Variants in TENM3 observed in about 807,000 individuals in gnomAD.
The protein encoded by TENM3 is teneurin transmembrane protein 3.
TENM3 carries 63 observed loss-of-function variants against 255.1 expected under a neutral mutation model. That is an observed-to-expected ratio of 0.25 (90% confidence interval 0.20 to 0.30). The LOEUF (loss-of-function observed/expected upper bound fraction) is 0.30, where lower values mean the gene tolerates loss of function less well. TENM3 is among the 10% of genes least tolerant of loss of function. The probability of loss-of-function intolerance (pLI) is 1.00; values close to 1 mark genes in which losing one functional copy is unlikely to be tolerated. For synonymous variants in TENM3, 1,306 were observed against 1,322.3 expected, an observed-to-expected ratio of 0.99 and a Z score of 0.27; for missense variants, 2,929 against 3,461.1, an observed-to-expected ratio of 0.85 and a Z score of 3.86.
At chr4:181,564,573 G>C in the TENM3 span, among the ~76,000 whole-genome samples, 1 of 152,120 alleles carries the variant, frequency 6.6e-6, no homozygotes, top group Admixed American at 6.6e-5. Flanking sequence ...CCATTAAACA[G>C]TGTGTATGGA....
the TENM3 span, among the ~76,000 whole-genome samples, chr4:181,615,462 C>T: frequency 6.6e-6 from 1 of 152,162 alleles, no homozygotes. Flanking sequence ...TTCTCTACAT[C>T]AATCCTTCAG....
chr4:181,735,358 C>T, the TENM3 span, among the ~76,000 whole-genome samples: 3,267 of 152,148 alleles, frequency 0.021, 111 homozygotes, highest in African/African-American at 0.074. Flanking sequence ...ACCTAATGCC[C>T]ATACAATTTG....
chr4:181,735,589 C>G, the TENM3 span, among the ~76,000 whole-genome samples: 3 of 152,036 alleles, frequency 2.0e-5, no homozygotes, highest in Non-Finnish European at 4.4e-5. Context: ...AGCATTAAAA[C>G]TAAATAATAA....
At chr4:181,477,053 A>G in the TENM3 span, among the ~76,000 whole-genome samples, 2 of 142,496 alleles carry the variant, frequency 1.4e-5, no homozygotes, top group African/African-American at 5.2e-5. Flanking sequence ...AAGAGAAGAA[A>G]GGAAAACCCA....
At chr4:182,369,537 G>A (rs532396070) in intron 3 of TENM3, among the ~76,000 whole-genome samples, 4 of 152,270 alleles carry the variant, frequency 2.6e-5, no homozygotes, top group East Asian at 1.9e-4. Context: ...GAGCTTCTGC[G>A]CAGTTGAATT....
chr4:182,691,017 C>A (rs1472574056), intron 12 of TENM3, among the ~76,000 whole-genome samples: 1 of 152,180 alleles, frequency 6.6e-6, no homozygotes, highest in African/African-American at 2.4e-5. Flanking sequence ...GCATTCTGCT[C>A]TTTTATACTA....
chr4:181,743,326 C>T, the TENM3 span, among the ~76,000 whole-genome samples: 2 of 152,140 alleles, frequency 1.3e-5, no homozygotes, highest in Non-Finnish European at 2.9e-5. Flanking sequence ...TCCACATCCT[C>T]TCCAGCACCT....
the TENM3 span, among the ~76,000 whole-genome samples, chr4:181,622,780 C>A: frequency 6.6e-6 from 1 of 152,028 alleles, no homozygotes; most frequent in East Asian, 2.0e-4. Flanking sequence ...TTAGGTTTGC[C>A]TTGGCCTTTG....
chr4:182,543,215 A>T (rs1741071415), intron 3 of TENM3, among the ~76,000 whole-genome samples: 1 of 137,730 alleles, frequency 7.3e-6, no homozygotes, highest in Admixed American at 7.1e-5. Flanking sequence ...GCAAGGATGG[A>T]GGGATGCATG....
intron 3 of TENM3, among the ~76,000 whole-genome samples, chr4:182,410,532 A>G (rs959654651): frequency 6.6e-6 from 1 of 152,198 alleles, no homozygotes; most frequent in African/African-American, 2.4e-5. Context: ...ACAGATTTTT[A>G]TAAAAAGGCA....
the TENM3 span, among the ~76,000 whole-genome samples, chr4:181,594,827 C>T: frequency 6.6e-6 from 1 of 152,170 alleles, no homozygotes. Context: ...AACACCCACA[C>T]ACATCTCACA....
intron 3 of TENM3, chr4:182,350,031 C>G (rs1031245197): frequency 7.0e-4 from 5 of 7,138 alleles, no homozygotes; most frequent in Non-Finnish European, 1.6e-3. Context: ...CTGTTTTTCC[C>G]AGAAAAAAAA....
chr4:181,763,707 A>G, the TENM3 span, among the ~76,000 whole-genome samples: 3 of 152,204 alleles, frequency 2.0e-5, no homozygotes, highest in Non-Finnish European at 4.4e-5. Context: ...CTGGCCCTGT[A>G]CAGAAGAAGC....
chr4:182,103,224 C>T, the TENM3 span, among the ~76,000 whole-genome samples: 1 of 152,180 alleles, frequency 6.6e-6, no homozygotes, highest in Admixed American at 6.5e-5. Context: ...ACAAGTATGC[C>T]TAGTGAGTTC....
intron 3 of TENM3, among the ~76,000 whole-genome samples, chr4:182,426,637 C>G (rs1229587385): frequency 6.6e-6 from 1 of 152,110 alleles, no homozygotes; most frequent in Admixed American, 6.5e-5. Context: ...AATATTTAAA[C>G]TGTATCACAA....
intron 3 of TENM3, among the ~76,000 whole-genome samples, chr4:182,457,558 C>CTTTTTTTTTTTT (rs768197836): frequency 8.7e-6 from 1 of 115,244 alleles, no homozygotes; most frequent in African/African-American, 3.1e-5. Flanking sequence ...TCATGTATAT[C>CTTTTTTTTTTTT]TTTTTTTTTT....
intron 3 of TENM3, among the ~76,000 whole-genome samples, chr4:182,598,042 G>A (rs1185910995): frequency 1.3e-5 from 2 of 152,036 alleles, no homozygotes; most frequent in Non-Finnish European, 2.9e-5. Flanking sequence ...TAGCCAGTGA[G>A]GTGGCTCATG....
At chr4:182,440,890 C>T (rs1206497854) in intron 3 of TENM3, among the ~76,000 whole-genome samples, 1 of 151,306 alleles carries the variant, frequency 6.6e-6, no homozygotes, top group Non-Finnish European at 1.5e-5. Context: ...TAAGTAAACA[C>T]GTGTCACGGG....
chr4:181,772,841 A>G, the TENM3 span, among the ~76,000 whole-genome samples: 7 of 152,202 alleles, frequency 4.6e-5, no homozygotes, highest in Non-Finnish European at 8.8e-5. Flanking sequence ...TATAGGTAAT[A>G]CAGTGGAAAA....
Sources: gnomAD v4.1 joint callset for allele counts (sites outside exome capture counted in the v4.1 genomes callset) on GRCh38, gnomAD v4.1.1 for gene constraint, MANE v1.5 for transcripts, NCBI Gene and HGNC (gene_info 2026-07-23, HGNC 2026-07-21) for gene names.